The following DUSP29 variants were observed in gnomAD, a reference collection of about 807,000 sequenced individuals.
DUSP29 encodes atypical dual-specific protein phosphatase.
A neutral mutation model predicts 13.5 loss-of-function variants in DUSP29; 12 were observed. The ratio of observed to expected loss-of-function variants is 0.89; its 90% CI spans 0.57 to 1.44. The LOEUF is 1.44. Ranked by LOEUF, DUSP29 falls within the 40% of genes most tolerant of loss-of-function variation. The pLI, the probability that DUSP29 is intolerant of heterozygous loss-of-function variation, is 0.00. For missense variants in DUSP29, 308 were observed against 301.1 expected (o/e 1.02, Z -0.17); for synonymous variants, 134 against 128.7 (o/e 1.04, Z -0.28).
intron 3 of DUSP29, among the ~76,000 whole-genome samples, chr10:75,041,034 A>G (rs181760147): frequency 6.6e-6 from 1 of 152,324 alleles, no homozygotes; most frequent in Admixed American, 6.5e-5. Flanking sequence ...CAAAGAACAT[A>G]GACAAGAGGA....
intron 3 of DUSP29, among the ~76,000 whole-genome samples, chr10:75,041,608 T>C (rs1846585212): frequency 6.6e-6 from 1 of 152,184 alleles, no homozygotes; most frequent in Non-Finnish European, 1.5e-5. Context: ...GAGCCCTGAC[T>C]TGAATTATTT....
At chr10:75,059,487 C>T (rs556678604) in intron 1 of DUSP29, among the ~76,000 whole-genome samples, 13 of 152,124 alleles carry the variant, frequency 8.5e-5, no homozygotes, top group Non-Finnish European at 1.8e-4. Context: ...TTATATAACA[C>T]CTATTGTGTG....
intron 2 of DUSP29, among the ~76,000 whole-genome samples, chr10:75,054,328 GTGT>G (rs1003712971): frequency 6.6e-6 from 1 of 152,212 alleles, no homozygotes; most frequent in African/African-American, 2.4e-5. Context: ...GTCCACTGCA[GTGT>G]TGTTTATAAA....
intron 2 of DUSP29, among the ~76,000 whole-genome samples, chr10:75,052,740 C>T (rs762192175): frequency 3.3e-5 from 5 of 152,194 alleles, no homozygotes; most frequent in Non-Finnish European, 7.3e-5. Context: ...GCGTGAGCCA[C>T]CACGCCTGGC....
chr10:75,070,532 C>T (rs889376901), intron 1 of DUSP29, among the ~76,000 whole-genome samples: 1 of 152,180 alleles, frequency 6.6e-6, no homozygotes, highest in African/African-American at 2.4e-5. Context: ...TTGGCACATC[C>T]GCATGAGCTC....
intron 2 of DUSP29, among the ~76,000 whole-genome samples, chr10:75,049,726 C>G (rs979632378): frequency 6.6e-6 from 1 of 152,256 alleles, no homozygotes; most frequent in African/African-American, 2.4e-5. Flanking sequence ...TTAGTTCCTC[C>G]TTTTCGGGGA....
chr10:75,065,552 C>T (rs1847182017), intron 1 of DUSP29, among the ~76,000 whole-genome samples: 1 of 152,120 alleles, frequency 6.6e-6, no homozygotes, highest in Non-Finnish European at 1.5e-5. Context: ...TGGTCTCAAA[C>T]TTCTGACCTC....
chr10:75,071,192 G>A (rs775701564), intron 1 of DUSP29, among the ~76,000 whole-genome samples: 51 of 152,252 alleles, frequency 3.3e-4, no homozygotes, highest in Admixed American at 3.3e-4. Context: ...TTGTGTCTCC[G>A]TGTCCAATCT....
chr10:75,037,886 G>A lies in DUSP29; in HGVS notation c.613C>T (p.Arg205Ter), dbSNP rs779239032. The A allele has an allele frequency of 1.3e-5, 21 of 1,612,674 alleles. No individual in the cohort carries two copies. The highest frequency in any genetic ancestry group is 7.7e-5 in the South Asian group (7 of 91,068). The change falls in exon 4 of 4, where the codon CGA becomes TGA. Residue 205 changes from arginine to a stop codon, truncating the protein, a stop_gained. Transcript: ENST00000338487. LOFTEE classifies it low-confidence loss of function (END_TRUNC). ...TCACCGTCCTGGCGCTGGGACCGTC[G>A]CCTCTGCTGCACCAGCTGCTTGTCC... ...ELDKQLVQQR[R>*]RSQRQDGEEE...
intron 2 of DUSP29, among the ~76,000 whole-genome samples, chr10:75,045,326 C>G (rs781193657): frequency 6.6e-6 from 1 of 152,186 alleles, no homozygotes; most frequent in Non-Finnish European, 1.5e-5. Context: ...GCTGAGACCA[C>G]GCCACTGCAC....
chr10:75,057,711 A>G (rs539504492), intron 2 of DUSP29, among the ~76,000 whole-genome samples: 7 of 151,958 alleles, frequency 4.6e-5, no homozygotes, highest in Middle Eastern at 3.4e-3. Flanking sequence ...ATAAAAATCT[A>G]AAGGAGGTGA....
intron 2 of DUSP29, among the ~76,000 whole-genome samples, chr10:75,052,602 C>A (rs540361673): frequency 6.6e-6 from 1 of 151,948 alleles, no homozygotes; most frequent in African/African-American, 2.4e-5. Context: ...CCAACGCGCC[C>A]GGCCATCCCC....
intron 3 of DUSP29, among the ~76,000 whole-genome samples, chr10:75,042,210 C>A (rs1425050218): frequency 2.0e-5 from 3 of 152,230 alleles, no homozygotes; most frequent in African/African-American, 7.2e-5. Context: ...GATGGAGAAA[C>A]CAAGGCTCAG....
rs1377963109 is a variant in DUSP29 at position 75,062,276 on chromosome 10, TG to T, written c.-34-3729del. On this transcript the variant is annotated intron_variant, in intron 1 of 3. Coordinates refer to ENST00000338487, the MANE Select transcript of DUSP29 (RefSeq NM_001003892.3). The stretch of plus-strand genomic sequence containing the variant: ...AAGCTGGGCACCATACACCTAAAGG[TG>T]GTTTAGGCCATCTTGAACCCTGCCT... Among the ~76,000 whole-genome samples, 4 of 152,226 alleles carry T rather than the reference TG, an allele frequency of 2.6e-5. No homozygotes were observed. The East Asian group carries it at 7.7e-4, about 29-fold the overall frequency.
In DUSP29 at chr10:75,044,015, G is replaced by A; in HGVS notation, c.203C>T (p.Ala68Val). 6.2e-7 allele frequency: 1 copy of A among 1,608,006 alleles called. No individual in the cohort carries two copies. Among genetic ancestry groups the A allele is most frequent in the Non-Finnish European group, 8.5e-7 (1 of 1,178,064 alleles). ...CAGCCTATAGCGGTCCAGCGCCGTC[G>A]CCCTGGGCGCAGGGGAGAGAAATCT... is the stretch of plus-strand genomic sequence containing the variant. ...VWPKLYIGDEATALDRYRLQK... is the reference protein window; with the variant it reads ...VWPKLYIGDEVTALDRYRLQK... Residue 68 changes from alanine to valine, a missense_variant and splice_region_variant, in exon 3 of 4, where the codon GCG becomes GTG. Ala to Val is a moderately conservative substitution (Grantham distance 64). Transcript: ENST00000338487.
chr10:75,072,480 A>G (rs538720379), intron 1 of DUSP29, among the ~76,000 whole-genome samples: 22 of 151,746 alleles, frequency 1.4e-4, no homozygotes, highest in Non-Finnish European at 2.7e-4. Flanking sequence ...CCCCATGTCC[A>G]CCCCAGCCTC....
intron 2 of DUSP29, among the ~76,000 whole-genome samples, chr10:75,056,869 T>C (rs1276403087): frequency 6.6e-6 from 1 of 152,192 alleles, no homozygotes; most frequent in Non-Finnish European, 1.5e-5. Flanking sequence ...GCATGTCATA[T>C]TTGTAACTTT....
intron 3 of DUSP29, 89 bp from the exon 4 acceptor site, chr10:75,038,166 C>G (rs1022128853): frequency 9.3e-6 from 14 of 1,500,228 alleles, no homozygotes; most frequent in African/African-American, 6.9e-5. Context: ...GACTGTCACC[C>G]TCTCGCCCAC....
At chr10:75,067,804 ATATTTTATTT>A (rs567371656) in intron 1 of DUSP29, among the ~76,000 whole-genome samples, 2 of 151,968 alleles carry the variant, frequency 1.3e-5, no homozygotes, top group Admixed American at 1.3e-4. Context: ...CTATAAGAAA[ATATTTTATTT>A]TATTTTATTT....
Sources: allele counts gnomAD v4.1 joint callset (sites outside exome capture counted in the v4.1 genomes callset), GRCh38; gene constraint gnomAD v4.1.1; transcripts MANE v1.5; gene names NCBI Gene and HGNC (gene_info 2026-07-23, HGNC 2026-07-21).